Variants in ABLIM2 observed in about 807,000 individuals in gnomAD.
The protein encoded by ABLIM2 is actin binding LIM protein family member 2, also known as actin-binding LIM protein 2.
ABLIM2 carries 53 observed loss-of-function variants against 97.7 expected under a neutral mutation model. That is an observed-to-expected ratio of 0.54 (90% CI 0.44 to 0.68). The LOEUF is 0.68. ABLIM2 is among the 30% of genes least tolerant of loss of function. The pLI is 0.00. For synonymous variants in ABLIM2, 361 were observed against 345.8 expected (o/e 1.04, Z -0.49); for missense variants, 835 against 867.2 (o/e 0.96, Z 0.47).
chr4:7,969,729 T>TCACACACACACACACACACACACACACA (rs1351667526), intron 20 of ABLIM2, among the ~76,000 whole-genome samples: 1 of 49,622 alleles, frequency 2.0e-5, no homozygotes, highest in African/African-American at 9.8e-5. Context: ...TCTCTCTCTC[T>TCACACACACACACACACACACACACACA]GACACACACA....
Position 7,973,576 on chromosome 4 carries a change from G to A in ABLIM2, c.1825-6473C>T, listed in dbSNP as rs372478423. On this transcript the variant is annotated intron_variant, in intron 20 of 20. Coordinates refer to ENST00000447017, the MANE Select transcript of ABLIM2 (RefSeq NM_001130083.2). ...GCCGGGAAAGGTGAGGACAGGATAGGCCCTGCAGGGCCCTGGACCGTGTTA... is the reference window on the plus strand; with the variant it reads ...GCCGGGAAAGGTGAGGACAGGATAGACCCTGCAGGGCCCTGGACCGTGTTA... Among the ~76,000 whole-genome samples, 48 of 152,250 alleles carry A rather than the reference G, an allele frequency of 3.2e-4. No homozygotes were observed. The Middle Eastern group carries it at 0.014, about 43-fold the overall frequency.
At chr4:8,139,070 C>A (rs1326175960) in intron 1 of ABLIM2, among the ~76,000 whole-genome samples, 2 of 152,212 alleles carry the variant, frequency 1.3e-5, no homozygotes, top group Non-Finnish European at 2.9e-5. Context: ...GTGGCAGACA[C>A]TTGTAATCCC....
intron 8 of ABLIM2, among the ~76,000 whole-genome samples, chr4:8,048,059 C>T (rs1375146815): frequency 1.3e-5 from 2 of 152,228 alleles, no homozygotes; most frequent in Non-Finnish European, 2.9e-5. Flanking sequence ...AGCACGGGGC[C>T]AGGGGCCAGG....
chr4:7,979,914 G>T (rs1046252416), intron 20 of ABLIM2, among the ~76,000 whole-genome samples: 16 of 152,170 alleles, frequency 1.1e-4, no homozygotes, highest in African/African-American at 3.9e-4. Flanking sequence ...AGAAAGATGT[G>T]GGTCTCTTCC....
In ABLIM2 at chr4:8,150,430, T is replaced by A. The variant is rs139003163; in HGVS notation, c.10+8250A>T. On this transcript the variant is annotated intron_variant, in intron 1 of 20. Coordinates refer to ENST00000447017, the MANE Select transcript of ABLIM2 (RefSeq NM_001130083.2). The surrounding 1 kb of genome is among the most constrained non-coding windows in gnomAD (Gnocchi z 6.3). ...TCAGGGGAGCCAGTACAAGGCCCCA[T>A]CGTGCCCTGAGGACAGACGCCAGCG... Among the ~76,000 whole-genome samples, 691 of 152,286 alleles carry A rather than the reference T, an allele frequency of 4.5e-3. 9 individuals are homozygous for A. The highest frequency in any genetic ancestry group is 0.016 in the African/African-American group (650 of 41,562).
Position 8,043,439 on chromosome 4 carries a change from G to A in ABLIM2, c.900+1725C>T, listed in dbSNP as rs933842733. Reference sequence around the variant, plus strand: ...CTGAACTGTGTCTCCCCGAATTCCTGTGTTGGTAAAGTCCTAACCCTCAGG... The same window carrying A: ...CTGAACTGTGTCTCCCCGAATTCCTATGTTGGTAAAGTCCTAACCCTCAGG... On this transcript the variant is annotated intron_variant, in intron 9 of 20. Coordinates refer to ENST00000447017, the MANE Select transcript of ABLIM2 (RefSeq NM_001130083.2). This position sits in a 1 kb window ranked among gnomAD's most constrained non-coding sequence, Gnocchi z 4.8. 6.6e-6 allele frequency among the ~76,000 whole-genome samples: 1 copy of A among 152,160 alleles called. No individual in the cohort carries two copies. Among genetic ancestry groups the A allele is most frequent in the Non-Finnish European group, 1.5e-5 (1 of 68,030 alleles).
At chr4:8,110,662 G>T (rs1014096649) in intron 1 of ABLIM2, among the ~76,000 whole-genome samples, 3 of 150,746 alleles carry the variant, frequency 2.0e-5, no homozygotes, top group African/African-American at 7.3e-5. Flanking sequence ...GGTGGCGGGG[G>T]TGGGGTGTGG....
chr4:8,137,471 G>A (rs1850350047), intron 1 of ABLIM2, among the ~76,000 whole-genome samples: 1 of 152,226 alleles, frequency 6.6e-6, no homozygotes, highest in African/African-American at 2.4e-5. Context: ...GAAGGGGCAG[G>A]GGAGCGGGGG....
intron 17 of ABLIM2, among the ~76,000 whole-genome samples, chr4:7,989,207 T>C (rs1196681423): frequency 1.3e-5 from 2 of 151,438 alleles, no homozygotes; most frequent in African/African-American, 4.8e-5. Flanking sequence ...TGTGCTCAAG[T>C]AGCTGGGATA....
chr4:8,099,264 T>G (rs1833259016), intron 2 of ABLIM2, among the ~76,000 whole-genome samples: 1 of 152,244 alleles, frequency 6.6e-6, no homozygotes, highest in Admixed American at 6.5e-5. Flanking sequence ...AGTATTCTGA[T>G]GTCAGCGCCA....
Position 8,005,378 on chromosome 4 carries a change from T to C in ABLIM2, c.1618+2681A>G. 1 of 533,780 alleles carries C rather than the reference T, an allele frequency of 1.9e-6. No homozygotes were observed. Among genetic ancestry groups the C allele is most frequent in the South Asian group, 1.4e-5 (1 of 71,544 alleles). The allele number at this position is 533,780 out of a possible 1,614,324, so 33.1% of individuals were successfully genotyped here. The stretch of plus-strand genomic sequence containing the variant: ...ACAGACATTTATTGAGTGCCCACTG[T>C]GTTGGGTGTCACAATCCTACCTTCC... On this transcript the variant is annotated intron_variant, in intron 16 of 20. Transcript: ENST00000447017. The surrounding 1 kb of genome is among the most constrained non-coding windows in gnomAD (Gnocchi z 4.9).
chr4:8,136,916 A>G (rs1039158711), intron 1 of ABLIM2, among the ~76,000 whole-genome samples: 1 of 152,212 alleles, frequency 6.6e-6, no homozygotes, highest in Non-Finnish European at 1.5e-5. Flanking sequence ...TTTGTGTGAG[A>G]AAATCCTAAC....
At chr4:8,027,189 C>T (rs1402612578) in intron 12 of ABLIM2, among the ~76,000 whole-genome samples, 2 of 152,176 alleles carry the variant, frequency 1.3e-5, no homozygotes, top group Non-Finnish European at 2.9e-5. Context: ...ATTTTTCAGT[C>T]CACAGCATAC....
intron 20 of ABLIM2, among the ~76,000 whole-genome samples, chr4:7,977,705 C>T (rs1487864867): frequency 7.9e-5 from 12 of 151,928 alleles, no homozygotes; most frequent in Admixed American, 3.9e-4. Context: ...GCAGGAGAAT[C>T]GCTTGAACCC....
intron 1 of ABLIM2, among the ~76,000 whole-genome samples, chr4:8,131,368 C>T (rs1283937115): frequency 6.6e-6 from 1 of 152,294 alleles, no homozygotes; most frequent in East Asian, 1.9e-4. Context: ...CTGCTGCGAC[C>T]CACTAAACTG....
At chr4:8,062,287 G>A (rs552838166) in intron 6 of ABLIM2, among the ~76,000 whole-genome samples, 1 of 152,236 alleles carries the variant, frequency 6.6e-6, no homozygotes, top group Non-Finnish European at 1.5e-5. Flanking sequence ...CTCAAGCGCA[G>A]GGCCTGGCAC....
In ABLIM2 at chr4:8,019,547, G is replaced by T; in HGVS notation, c.1423+71C>A. The stretch of plus-strand genomic sequence containing the variant: ...ATTTATCAGAACACAACAAAAGGAT[G>T]CATTCAGAAGCAGATGGGTATTGAC... On this transcript the variant is annotated intron_variant, in intron 14 of 20. Transcript: ENST00000447017. This position sits in a 1 kb window ranked among gnomAD's most constrained non-coding sequence, Gnocchi z 4.3. 1.4e-6 allele frequency: 2 copies of T among 1,426,876 alleles called. No homozygotes were observed. The highest frequency in any genetic ancestry group is 1.9e-6 in the Non-Finnish European group (2 of 1,029,720). 88.4% of individuals were successfully genotyped at this position (1,426,876 alleles called of 1,614,324 possible).
chr4:7,980,724 A>T (rs1337455395), intron 20 of ABLIM2, among the ~76,000 whole-genome samples: 1 of 151,620 alleles, frequency 6.6e-6, no homozygotes, highest in African/African-American at 2.4e-5. Context: ...CAAAGAAAAA[A>T]AAAAAAAGAC....
rs116731585 is a variant in ABLIM2, at chr4:7,971,915, C to T, written c.1825-4812G>A. On this transcript the variant is annotated intron_variant, in intron 20 of 20. Transcript: ENST00000447017. ...GTCCTAGCCCTGCTCAGCCTGGGCC[C>T]CCAGGGCCAGCAAGGGGCCACTTTT... Among the ~76,000 whole-genome samples the T allele has an allele frequency of 5.1e-3, 771 of 152,310 alleles. 5 individuals are homozygous for T. Among genetic ancestry groups the T allele is most frequent in the African/African-American group, 0.018 (735 of 41,596 alleles).
Sources: gnomAD v4.1 joint callset for allele counts (sites outside exome capture counted in the v4.1 genomes callset) on GRCh38, gnomAD v4.1.1 for gene constraint, Gnocchi (gnomAD v3.1) non-coding constraint, MANE v1.5 for transcripts, NCBI Gene and HGNC (gene_info 2026-07-23, HGNC 2026-07-21) for gene names.